Variants in CADM2 observed in about 807,000 individuals in gnomAD.
CADM2 encodes immunoglobulin superfamily member 4D.
Under a neutral mutation model 49.8 loss-of-function variants are expected in CADM2, and 12 were observed. The observed-to-expected ratio is 0.24, with a 90% confidence interval of 0.15 to 0.39. The LOEUF (loss-of-function observed/expected upper bound fraction) is 0.39, where lower values mean the gene tolerates loss of function less well. Among genes scored for constraint, CADM2 ranks in the 10% least tolerant of loss-of-function variants. CADM2 has a pLI of 1.00. For missense variants in CADM2, 378 were observed against 492.3 expected (o/e 0.77, Z 2.20); for synonymous variants, 214 against 175.4 (o/e 1.22, Z -1.74).
intron 1 of CADM2, among the ~76,000 whole-genome samples, chr3:85,148,238 C>T (rs1399249626): frequency 6.6e-6 from 1 of 152,084 alleles, no homozygotes; most frequent in East Asian, 1.9e-4. Context: ...AAGCTAAGTC[C>T]GACTCAATAG....
At chr3:85,583,694 C>T (rs559842121) in intron 1 of CADM2, among the ~76,000 whole-genome samples, 1 of 151,988 alleles carries the variant, frequency 6.6e-6, no homozygotes, top group African/African-American at 2.4e-5. Context: ...AAGCAACAAC[C>T]AAACCTTTTA....
intron 1 of CADM2, among the ~76,000 whole-genome samples, chr3:85,143,192 T>G (rs2039628794): frequency 1.3e-5 from 2 of 152,178 alleles, no homozygotes; most frequent in South Asian, 4.1e-4. Context: ...TGGAATAATT[T>G]TATTGTGTGA....
At chr3:85,472,180 C>CT (rs1164214345) in intron 1 of CADM2, among the ~76,000 whole-genome samples, 3 of 151,810 alleles carry the variant, frequency 2.0e-5, no homozygotes, top group Non-Finnish European at 4.4e-5. Flanking sequence ...CTCAAAAATT[C>CT]TTTTTTACTT....
intron 3 of CADM2, among the ~76,000 whole-genome samples, chr3:85,842,745 T>C (rs1187371302): frequency 1.3e-5 from 2 of 152,176 alleles, no homozygotes; most frequent in Admixed American, 1.3e-4. Flanking sequence ...AAACTTAGTC[T>C]TATGTCTTTC....
At chr3:85,806,947 C>T (rs1047018315) in intron 3 of CADM2, among the ~76,000 whole-genome samples, 12 of 152,000 alleles carry the variant, frequency 7.9e-5, no homozygotes, top group African/African-American at 2.9e-4. Flanking sequence ...TAGCTTGTGT[C>T]CATTGATAAA....
intron 2 of CADM2, among the ~76,000 whole-genome samples, chr3:85,749,858 T>G (rs1313845700): frequency 6.6e-6 from 1 of 152,084 alleles, no homozygotes. Context: ...TTGGGAGAAT[T>G]TGGGTATACA....
chr3:85,643,475 G>T (rs1232980005), intron 1 of CADM2, among the ~76,000 whole-genome samples: 1 of 152,114 alleles, frequency 6.6e-6, no homozygotes, highest in Non-Finnish European at 1.5e-5. Context: ...GAGATGATTA[G>T]CTGCCAGCTC....
At chr3:85,569,932 G>A (rs1286868394) in intron 1 of CADM2, among the ~76,000 whole-genome samples, 1 of 152,072 alleles carries the variant, frequency 6.6e-6, no homozygotes, top group East Asian at 1.9e-4. Context: ...GCTGAATTAT[G>A]TAAATTCCAT....
chr3:85,500,540 C>T (rs1310768943), intron 1 of CADM2, among the ~76,000 whole-genome samples: 2 of 149,040 alleles, frequency 1.3e-5, no homozygotes, highest in Non-Finnish European at 3.0e-5. Flanking sequence ...TTTTTTGAGA[C>T]GGAGTGTCGC....
At chr3:85,076,339 G>GTGTGTGTGTGTGTGTGT (rs1553679923) in intron 1 of CADM2, among the ~76,000 whole-genome samples, 2 of 106,156 alleles carry the variant, frequency 1.9e-5, no homozygotes, top group African/African-American at 3.6e-5. Flanking sequence ...GTGTGTGTGT[G>GTGTGTGTGTGTGTGTGT]GTGTGGTGTG....
chr3:85,911,822 G>A (rs191172351), intron 5 of CADM2, among the ~76,000 whole-genome samples: 71 of 152,162 alleles, frequency 4.7e-4, no homozygotes, highest in Admixed American at 4.5e-3. Flanking sequence ...AATATCTTGT[G>A]CCTGATTATA....
At chr3:85,878,976 T>TA (rs1332295862) in intron 3 of CADM2, among the ~76,000 whole-genome samples, 4 of 151,720 alleles carry the variant, frequency 2.6e-5, no homozygotes, top group Non-Finnish European at 4.4e-5. Flanking sequence ...GGTGACCTCT[T>TA]AAAAAATGTG....
chr3:85,593,240 A>G (rs1029074193), intron 1 of CADM2, among the ~76,000 whole-genome samples: 3 of 151,866 alleles, frequency 2.0e-5, no homozygotes, highest in Admixed American at 6.6e-5. Context: ...GGTTTGTTAC[A>G]TATGTATACA....
At chr3:85,212,686 TC>T (rs2041806835) in intron 1 of CADM2, among the ~76,000 whole-genome samples, 1 of 151,914 alleles carries the variant, frequency 6.6e-6, no homozygotes, top group Non-Finnish European at 1.5e-5. Flanking sequence ...GATATGTTTA[TC>T]TTTTAGAAAG....
In CADM2 at chr3:84,992,259, A is replaced by G. The variant is rs192178909; in HGVS notation, c.61+32591A>G. 2.6e-5 allele frequency among the ~76,000 whole-genome samples: 4 copies of G among 152,246 alleles called. No homozygotes were observed. The East Asian group carries it at 7.7e-4, about 29-fold the overall frequency. The stretch of plus-strand genomic sequence containing the variant: ...CTGTAAGTTTAAAACTACTCCAAAA[A>G]CAAAGTTTATTTTAAAAGCCTTGAT... On this transcript the variant is annotated intron_variant, in intron 1 of 9. Coordinates refer to ENST00000383699, the MANE Select transcript of CADM2 (RefSeq NM_001167675.2).
rs145096857 is a variant in CADM2 at position 85,488,136 on chromosome 3, G to C, written c.62-238386G>C. On this transcript the variant is annotated intron_variant, in intron 1 of 9. Transcript: ENST00000383699. ...AGAAATAAAATTTTTCTGTATTCACGTAATGAGGAACCCCTCTTTCTTTTG... is the reference window on the plus strand; with the variant it reads ...AGAAATAAAATTTTTCTGTATTCACCTAATGAGGAACCCCTCTTTCTTTTG... Among the ~76,000 whole-genome samples, 7 of 152,112 alleles carry C rather than the reference G, an allele frequency of 4.6e-5. No individual in the cohort carries two copies. The East Asian group carries it at 1.2e-3, about 25-fold the overall frequency.
At chr3:85,461,024 T>C (rs1174562894) in intron 1 of CADM2, among the ~76,000 whole-genome samples, 5 of 152,200 alleles carry the variant, frequency 3.3e-5, no homozygotes, top group Non-Finnish European at 7.3e-5. Context: ...TTTTGTTCTA[T>C]TATTTTAATT....
rs139613717 is a variant in CADM2 at position 85,242,313 on chromosome 3, T to A, written c.61+282645T>A. Among the ~76,000 whole-genome samples the A allele has an allele frequency of 1.6e-3, 248 of 151,362 alleles. 1 individual carries two copies. The East Asian group carries it at 0.031, about 19-fold the overall frequency. On this transcript the variant is annotated intron_variant, in intron 1 of 9. Coordinates refer to ENST00000383699, the MANE Select transcript of CADM2 (RefSeq NM_001167675.2). ...TTTTTTTAATGTAGAGGAAAACATG[T>A]TTTTGAAGGGGTGAAAAAAAACAGT...
intron 8 of CADM2, among the ~76,000 whole-genome samples, chr3:86,040,762 C>T (rs1371328721): frequency 1.3e-5 from 2 of 152,082 alleles, no homozygotes; most frequent in Non-Finnish European, 2.9e-5. Flanking sequence ...AGAAGAGCAA[C>T]TCCAAGACAC....
Sources: allele counts gnomAD v4.1 joint callset (sites outside exome capture counted in the v4.1 genomes callset), GRCh38; gene constraint gnomAD v4.1.1; transcripts MANE v1.5; gene names NCBI Gene and HGNC (gene_info 2026-07-23, HGNC 2026-07-21).